Variants in HERC2 observed in about 807,000 individuals in gnomAD.
The protein encoded by HERC2 is HECT and RLD domain containing E3 ubiquitin protein ligase 2.
Under a neutral mutation model 537.7 loss-of-function variants are expected in HERC2, and 102 were observed. The observed-to-expected ratio is 0.19, with a 90% CI of 0.16 to 0.22. HERC2 has a LOEUF of 0.22. Among genes scored for constraint, HERC2 ranks in the 10% least tolerant of loss-of-function variants. The probability of loss-of-function intolerance (pLI) is 1.00; values close to 1 mark genes in which losing one functional copy is unlikely to be tolerated. For missense variants in HERC2, 4,236 were observed against 6,198.2 expected (o/e 0.68, Z 10.63); for synonymous variants, 2,224 against 2,466.2 (o/e 0.90, Z 2.91).
At position 28,299,382 on chromosome 15, in the gene HERC2, C is replaced by T. The variant is rs769468300; in HGVS notation, c.187+20G>A. On this transcript the variant is annotated intron_variant, in intron 3 of 92. Transcript: ENST00000261609. ...ATAATGGTCTTTACCAAATAAAAAA[C>T]ACTAGTTAAAGGCCCTTACCTTTTC... 3.9e-6 allele frequency: 4 copies of T among 1,026,170 alleles called. No individual in the cohort carries two copies. Among genetic ancestry groups the T allele is most frequent in the South Asian group, 1.4e-5 (1 of 73,798 alleles). 63.6% of individuals were successfully genotyped at this position (1,026,170 alleles called of 1,614,324 possible). A position where few individuals can be genotyped will look rare whatever the true frequency, so the allele number is the denominator to read the frequency against.
chr15:28,291,327 C>G (rs1013462640), intron 4 of HERC2, among the ~76,000 whole-genome samples: 3 of 152,082 alleles, frequency 2.0e-5, no homozygotes, highest in Non-Finnish European at 2.9e-5. Flanking sequence ...TGGCCTCAAG[C>G]AATTCTCTCA....
intron 86 of HERC2, among the ~76,000 whole-genome samples, chr15:28,120,225 A>G (rs1000886688): frequency 6.6e-6 from 1 of 152,256 alleles, no homozygotes; most frequent in Non-Finnish European, 1.5e-5. Flanking sequence ...TTAGCATTAA[A>G]CACTCTGACG....
chr15:28,150,779 C>T (rs1892369783), intron 70 of HERC2, among the ~76,000 whole-genome samples: 1 of 150,956 alleles, frequency 6.6e-6, no homozygotes, highest in African/African-American at 2.4e-5. Context: ...AGTAAAATTA[C>T]TGAAAAAACA....
chr15:28,257,113 G>C lies in HERC2; in HGVS notation c.2465C>G (p.Pro822Arg). ...GMDGSADWPP[P>R]QEKECVAVAT... is the part of the protein sequence containing the mutation. ...CACGGCCACACACTCTTTCTCCTGG[G>C]GCGGGGGCCAGTCCGCGGAACCATC... Residue 822 changes from proline (P) to arginine (R), a missense_variant, in exon 17 of 93, where the codon CCC becomes CGC. Pro to Arg is a moderately radical substitution (Grantham distance 103, BLOSUM62 -2). Transcript: ENST00000261609. 1 of 1,613,818 alleles carries C rather than the reference G, an allele frequency of 6.2e-7. No homozygotes were observed. Among genetic ancestry groups the C allele is most frequent in the South Asian group, 1.1e-5 (1 of 91,056 alleles).
intron 4 of HERC2, 146 bp downstream of exon 4, chr15:28,292,742 T>C: frequency 7.5e-6 from 6 of 796,050 alleles, no homozygotes; most frequent in East Asian, 2.7e-5. Context: ...GTAAGTTTTA[T>C]GGTATGTATA....
chr15:28,256,208 G>C lies in HERC2; in HGVS notation c.2627C>G (p.Ala876Gly). ...CGACTGCACGGTGCTCAGCACGCCC[G>C]CACTGCTGGCCAGGGTCACCACCGT... ...KQTVVTLASS[A>G]GVLSTVQSAA... Residue 876 changes from alanine to glycine, a missense_variant, in exon 18 of 93, where the codon GCG becomes GGG. Transcript: ENST00000261609. 1.2e-6 allele frequency: 2 copies of C among 1,600,422 alleles called. No individual in the cohort carries two copies. The highest frequency in any genetic ancestry group is 1.7e-6 in the Non-Finnish European group (2 of 1,179,818).
At chr15:28,156,890 G>C (rs956815525) in intron 69 of HERC2, among the ~76,000 whole-genome samples, 25 of 152,118 alleles carry the variant, frequency 1.6e-4, no homozygotes, top group Non-Finnish European at 2.9e-5. Context: ...CTGTGGGTTT[G>C]TCATAAATAG....
chr15:28,149,145 G>A (rs1470044498), intron 70 of HERC2, among the ~76,000 whole-genome samples: 2 of 150,814 alleles, frequency 1.3e-5, no homozygotes, highest in African/African-American at 2.4e-5. Context: ...AAACACACGC[G>A]ACTTCTAACC....
At chr15:28,228,130 A>T (rs1001425802) in intron 35 of HERC2, 88 bp downstream of exon 35, 133 of 305,702 alleles carry the variant, frequency 4.4e-4, no homozygotes, top group Middle Eastern at 9.7e-4. Context: ...AAAAAGCTTT[A>T]AAAAAAAAAA....
At chr15:28,121,263 C>T (rs1888854245) in intron 86 of HERC2, 83 bp downstream of exon 86, 2 of 1,236,540 alleles carry the variant, frequency 1.6e-6, no homozygotes, top group Non-Finnish European at 2.4e-6. Context: ...GGCAGGCTAC[C>T]AGCGCTCTCG....
intron 44 of HERC2, among the ~76,000 whole-genome samples, chr15:28,210,020 C>T (rs1230156528): frequency 7.0e-6 from 1 of 142,074 alleles, no homozygotes; most frequent in African/African-American, 2.6e-5. Flanking sequence ...ACAATCTGCA[C>T]CCTGCAATCC....
At position 28,177,262 on chromosome 15, in the gene HERC2, C is replaced by T. The variant is rs1446070925; in HGVS notation, c.9255-135G>A. ...CAACTATCAAAACTTAAAGCAGAAC[C>T]GGTGAGACCAAAACACAAACAACCG... On this transcript the variant is annotated intron_variant, in intron 60 of 92. Coordinates refer to ENST00000261609, the MANE Select transcript of HERC2 (RefSeq NM_004667.6). This position sits in a 1 kb window ranked among gnomAD's most constrained non-coding sequence, Gnocchi z 5.0. 1.7e-5 allele frequency: 20 copies of T among 1,209,784 alleles called. No homozygotes were observed. Among genetic ancestry groups the T allele is most frequent in the East Asian group, 4.8e-5 (2 of 41,630 alleles). The allele number at this position is 1,209,784 out of a possible 1,614,324, so 74.9% of individuals were successfully genotyped here.
chr15:28,176,054 A>G lies in HERC2; in HGVS notation c.9686+374T>C, dbSNP rs936674446. On this transcript the variant is annotated intron_variant, in intron 63 of 92. Coordinates refer to ENST00000261609, the MANE Select transcript of HERC2 (RefSeq NM_004667.6). This position sits in a 1 kb window ranked among gnomAD's most constrained non-coding sequence, Gnocchi z 5.0. ...CCAGTCCAGGCACCTGCTCTTTTGC[A>G]TATTAATAAAATAAGCTTTTACAAG... 1.3e-5 allele frequency among the ~76,000 whole-genome samples: 2 copies of G among 152,210 alleles called. No homozygotes were observed. Among genetic ancestry groups the G allele is most frequent in the Admixed American group, 6.5e-5 (1 of 15,288 alleles).
chr15:28,255,425 C>T (rs911228964), intron 19 of HERC2, among the ~76,000 whole-genome samples: 1 of 152,098 alleles, frequency 6.6e-6, no homozygotes, highest in Non-Finnish European at 1.5e-5. Flanking sequence ...GGAATACTTC[C>T]CAATAATAAA....
At chr15:28,259,296 T>C (rs1328538727) in intron 16 of HERC2, among the ~76,000 whole-genome samples, 4 of 152,010 alleles carry the variant, frequency 2.6e-5, no homozygotes, top group Non-Finnish European at 4.4e-5. Context: ...GGTTTCACCA[T>C]GTTAGCCAGG....
chr15:28,222,641 A>G (rs189865148), intron 35 of HERC2, among the ~76,000 whole-genome samples: 1 of 152,260 alleles, frequency 6.6e-6, no homozygotes, highest in East Asian at 1.9e-4. Context: ...CCGAGATACA[A>G]CCTCAGACAG....
At chr15:28,259,863 G>A (rs2075369519) in intron 16 of HERC2, among the ~76,000 whole-genome samples, 1 of 151,236 alleles carries the variant, frequency 6.6e-6, no homozygotes, top group South Asian at 2.1e-4. Flanking sequence ...AGCTACTCAG[G>A]AGGCTGACGC....
intron 68 of HERC2, among the ~76,000 whole-genome samples, chr15:28,165,118 G>A (rs1285221588): frequency 2.0e-5 from 3 of 152,214 alleles, no homozygotes; most frequent in African/African-American, 7.2e-5. Context: ...ACACATGGGG[G>A]GTTGGAGAGA....
At chr15:28,313,024 G>C (rs530245023) in intron 2 of HERC2, among the ~76,000 whole-genome samples, 1 of 152,060 alleles carries the variant, frequency 6.6e-6, no homozygotes, top group Non-Finnish European at 1.5e-5. Context: ...GGCTGTGAGA[G>C]GTGGGATTTG....
Sources: gnomAD v4.1 joint callset for allele counts (sites outside exome capture counted in the v4.1 genomes callset) on GRCh38, gnomAD v4.1.1 for gene constraint, Gnocchi (gnomAD v3.1) non-coding constraint, MANE v1.5 for transcripts, NCBI Gene and HGNC (gene_info 2026-07-23, HGNC 2026-07-21) for gene names.